The following LOC128092253 variants were observed in gnomAD, a reference collection of about 807,000 sequenced individuals.
At chr6:133,958,367 G>C in the LOC128092253 span, among the ~76,000 whole-genome samples, 2 of 152,196 alleles carry the variant, frequency 1.3e-5, no homozygotes, top group Admixed American at 1.3e-4. Context: ...TGAGCTTTCT[G>C]TGCCACTATG....
chr6:133,974,034 G>T, the LOC128092253 span, among the ~76,000 whole-genome samples: 1 of 146,824 alleles, frequency 6.8e-6, no homozygotes. Flanking sequence ...ACCCTGCTGT[G>T]CCAATTCTCT....
At chr6:133,958,899 AAGG>A in the LOC128092253 span, among the ~76,000 whole-genome samples, 58 of 152,272 alleles carry the variant, frequency 3.8e-4, no homozygotes, top group African/African-American at 1.4e-3. Flanking sequence ...TCCACACACT[AAGG>A]AGGTTGGCAA....
chr6:133,976,998 G>A, the LOC128092253 span, among the ~76,000 whole-genome samples: 1 of 151,460 alleles, frequency 6.6e-6, no homozygotes. Flanking sequence ...AAAAGAAATT[G>A]AGATTTGTCT....
the LOC128092253 span, among the ~76,000 whole-genome samples, chr6:133,976,101 A>G: frequency 1.3e-5 from 2 of 152,210 alleles, no homozygotes; most frequent in Non-Finnish European, 2.9e-5. Context: ...ATGCATTTTC[A>G]TGAATGTTGT....
At chr6:133,960,302 C>G in the LOC128092253 span, among the ~76,000 whole-genome samples, 5 of 152,126 alleles carry the variant, frequency 3.3e-5, no homozygotes, top group Non-Finnish European at 7.4e-5. Context: ...TTCTTTTGTA[C>G]TGAGGGGGGA....
the LOC128092253 span, among the ~76,000 whole-genome samples, chr6:133,963,457 C>T: frequency 4.6e-5 from 7 of 152,154 alleles, no homozygotes; most frequent in Non-Finnish European, 7.3e-5. Context: ...CATAGTCTCA[C>T]TCTATAGCCC....
the LOC128092253 span, among the ~76,000 whole-genome samples, chr6:133,974,337 A>G: frequency 6.6e-6 from 1 of 152,100 alleles, no homozygotes; most frequent in African/African-American, 2.4e-5. Context: ...TGGTCAGTTC[A>G]GTTATTTCTT....
the LOC128092253 span, among the ~76,000 whole-genome samples, chr6:133,970,109 A>C: frequency 5.8e-4 from 89 of 152,272 alleles, no homozygotes; most frequent in African/African-American, 2.0e-3. Flanking sequence ...TGCAGTGTTA[A>C]GTATCTGGTT....
the LOC128092253 span, among the ~76,000 whole-genome samples, chr6:133,966,058 A>G: frequency 6.6e-6 from 1 of 152,194 alleles, no homozygotes. Flanking sequence ...GAGCTCTTCA[A>G]CTTCAGAGAC....
the LOC128092253 span, among the ~76,000 whole-genome samples, chr6:133,953,683 C>T: frequency 0.13 from 20,471 of 151,914 alleles, 1,851 homozygotes; most frequent in African/African-American, 0.27. Context: ...GGGGGTGGGG[C>T]GTCCGTACCT....
At chr6:133,970,030 A>C in the LOC128092253 span, among the ~76,000 whole-genome samples, 1 of 152,238 alleles carries the variant, frequency 6.6e-6, no homozygotes, top group South Asian at 2.1e-4. Flanking sequence ...TGCCACTCCT[A>C]ACTGTTGGTT....
At chr6:133,972,134 TC>T in the LOC128092253 span, among the ~76,000 whole-genome samples, 24 of 152,204 alleles carry the variant, frequency 1.6e-4, 1 homozygote, top group Admixed American at 1.6e-3. Flanking sequence ...GTTACTGAGT[TC>T]AAACAGTGAA....
the LOC128092253 span, among the ~76,000 whole-genome samples, chr6:133,955,379 T>C: frequency 3.3e-5 from 5 of 151,966 alleles, no homozygotes; most frequent in African/African-American, 4.8e-5. Flanking sequence ...CTGTCTTTTC[T>C]TAATCATGTC....
chr6:133,979,021 G>A, the LOC128092253 span, among the ~76,000 whole-genome samples: 1 of 152,118 alleles, frequency 6.6e-6, no homozygotes, highest in African/African-American at 2.4e-5. Flanking sequence ...CATGAGTCAC[G>A]TACTTAGTAA....
At chr6:133,979,964 C>A in the LOC128092253 span, 1 of 819,862 alleles carries the variant, frequency 1.2e-6, no homozygotes, top group Non-Finnish European at 1.7e-6. Flanking sequence ...TGATTTGATT[C>A]TAGTAACATT....
the LOC128092253 span, among the ~76,000 whole-genome samples, chr6:133,960,052 G>A: frequency 6.6e-6 from 1 of 152,158 alleles, no homozygotes; most frequent in Admixed American, 6.5e-5. Flanking sequence ...ACCTACTTAT[G>A]GCTGCAGTGT....
the LOC128092253 span, among the ~76,000 whole-genome samples, chr6:133,975,143 G>A: frequency 1.3e-5 from 2 of 152,206 alleles, no homozygotes; most frequent in East Asian, 3.9e-4. Context: ...CTGATAGTTT[G>A]TTCTGAGAAG....
the LOC128092253 span, among the ~76,000 whole-genome samples, chr6:133,956,739 A>C: frequency 6.6e-6 from 1 of 152,208 alleles, no homozygotes; most frequent in Non-Finnish European, 1.5e-5. Flanking sequence ...GGCTGTGGGC[A>C]TGCAAATTAC....
chr6:133,959,124 C>T, the LOC128092253 span, among the ~76,000 whole-genome samples: 12 of 152,214 alleles, frequency 7.9e-5, no homozygotes, highest in Admixed American at 1.3e-4. Flanking sequence ...ATTGCAACTT[C>T]GGCTTCCCAG....
Sources: allele counts gnomAD v4.1 joint callset (sites outside exome capture counted in the v4.1 genomes callset), GRCh38; gene constraint gnomAD v4.1.1; transcripts MANE v1.5.